Variants in HTR3B observed in about 807,000 individuals in gnomAD.
The protein encoded by HTR3B is 5-hydroxytryptamine receptor 3B.
A neutral mutation model predicts 42.8 loss-of-function variants in HTR3B; 44 were observed. The observed-to-expected ratio is 1.03, with a 90% CI of 0.81 to 1.32. HTR3B has a LOEUF of 1.32. Ranked by LOEUF, HTR3B falls within the 40% of genes most tolerant of loss-of-function variation. The pLI, the probability that HTR3B is intolerant of heterozygous loss-of-function variation, is 0.00. For synonymous variants in HTR3B, 203 were observed against 209.0 expected, an observed-to-expected ratio of 0.97 and a Z score of 0.25; for missense variants, 527 against 536.5, an observed-to-expected ratio of 0.98 and a Z score of 0.17.
chr11:113,909,325 A>T lies in HTR3B; in HGVS notation c.83A>T (p.Gln28Leu), dbSNP rs776920303. The change falls in exon 2 of 9, where the codon CAG (glutamine) becomes CTG (leucine). Residue 28 changes from glutamine (Q) to leucine (L), a missense_variant. Transcript: ENST00000260191. The part of the protein sequence containing the change: ...GILATDTHHP[Q>L]DSALYHLSKQ... The stretch of plus-strand genomic sequence containing the variant: ...CTAGCCACAGATACACATCATCCCC[A>T]GGATTCTGCTCTGTATCATCTCAGC... 7 of 1,612,878 alleles carry T rather than the reference A, an allele frequency of 4.3e-6. No individual in the cohort carries two copies. The East Asian group carries it at 1.6e-4, about 36-fold the overall frequency.
intron 6 of HTR3B, among the ~76,000 whole-genome samples, 170 bp downstream of exon 6, chr11:113,933,263 G>A (rs1236834901): frequency 6.6e-6 from 1 of 152,130 alleles, no homozygotes; most frequent in Non-Finnish European, 1.5e-5. Context: ...TCACAGAGCA[G>A]AGGTTCAGTG....
At chr11:113,928,614 T>G (rs1447381080) in intron 2 of HTR3B, among the ~76,000 whole-genome samples, 2 of 152,184 alleles carry the variant, frequency 1.3e-5, no homozygotes, top group Non-Finnish European at 2.9e-5. Flanking sequence ...CTTGGCTCAC[T>G]GCAACCTCCA....
intron 7 of HTR3B, among the ~76,000 whole-genome samples, chr11:113,944,195 A>T (rs546747730): frequency 1.9e-4 from 29 of 151,466 alleles, no homozygotes; most frequent in South Asian, 4.2e-4. Context: ...AATTTTTTGT[A>T]TTTTAGTATA....
chr11:113,936,885 G>A (rs3782025), intron 6 of HTR3B, among the ~76,000 whole-genome samples: 84,191 of 151,894 alleles, frequency 0.55, 23,542 homozygotes, highest in East Asian at 0.7. Flanking sequence ...CTAACCTTGG[G>A]GCCTATTCCA....
intron 6 of HTR3B, among the ~76,000 whole-genome samples, chr11:113,938,376 T>A (rs1289784960): frequency 6.6e-6 from 1 of 152,040 alleles, no homozygotes; most frequent in Non-Finnish European, 1.5e-5. Flanking sequence ...AAATATAAAC[T>A]CGAAAAGTCC....
At chr11:113,942,147 A>T (rs1165844473) in intron 6 of HTR3B, among the ~76,000 whole-genome samples, 1 of 152,122 alleles carries the variant, frequency 6.6e-6, no homozygotes, top group Non-Finnish European at 1.5e-5. Flanking sequence ...AGGCAGGGGG[A>T]TCACCTGAGG....
chr11:113,923,713 A>G (rs934274303), intron 2 of HTR3B, among the ~76,000 whole-genome samples: 2 of 152,210 alleles, frequency 1.3e-5, no homozygotes, highest in South Asian at 4.1e-4. Flanking sequence ...TAAAGAAAAA[A>G]AACAGGGCGA....
At chr11:113,938,755 C>T (rs1049701555) in intron 6 of HTR3B, among the ~76,000 whole-genome samples, 9 of 152,116 alleles carry the variant, frequency 5.9e-5, no homozygotes, top group African/African-American at 1.4e-4. Flanking sequence ...CTGTGGCTAA[C>T]GACTTTGGGA....
At chr11:113,929,721 A>C (rs987095228) in intron 2 of HTR3B, among the ~76,000 whole-genome samples, 1 of 151,918 alleles carries the variant, frequency 6.6e-6, no homozygotes, top group Admixed American at 6.6e-5. Flanking sequence ...CAAGTCTCTC[A>C]CCCATTTTTA....
intron 2 of HTR3B, among the ~76,000 whole-genome samples, chr11:113,926,788 C>G (rs1311613660): frequency 1.3e-5 from 2 of 152,182 alleles, no homozygotes; most frequent in Non-Finnish European, 2.9e-5. Context: ...CTCAGCCTTC[C>G]AAAGTGCTGG....
intron 2 of HTR3B, among the ~76,000 whole-genome samples, chr11:113,912,209 A>G (rs184214532): frequency 1.5e-3 from 233 of 152,090 alleles, no homozygotes; most frequent in Non-Finnish European, 2.1e-3. Context: ...ATTTTCCTGT[A>G]CGAGTCTTTT....
chr11:113,908,476 A>G (rs1949751165), intron 1 of HTR3B, among the ~76,000 whole-genome samples: 1 of 152,222 alleles, frequency 6.6e-6, no homozygotes, highest in Non-Finnish European at 1.5e-5. Context: ...TGAGTGAAGC[A>G]TTGAATCCCC....
chr11:113,912,702 C>T (rs941299944), intron 2 of HTR3B, among the ~76,000 whole-genome samples: 20 of 152,180 alleles, frequency 1.3e-4, no homozygotes, highest in African/African-American at 4.8e-4. Context: ...TCCCTGCCAA[C>T]ATTTGGTGTT....
intron 6 of HTR3B, among the ~76,000 whole-genome samples, chr11:113,940,780 C>T (rs1197354049): frequency 6.6e-6 from 1 of 152,196 alleles, no homozygotes; most frequent in Non-Finnish European, 1.5e-5. Context: ...GCTCTTCTCC[C>T]GGCACCTCCT....
chr11:113,903,181 C>T (rs1481157492), upstream of HTR3B, among the ~76,000 whole-genome samples: 17 of 152,086 alleles, frequency 1.1e-4, 3 homozygotes, highest in Admixed American at 1.1e-3. Context: ...CACCTTGGCA[C>T]TTTTGAAGAT....
intron 1 of HTR3B, among the ~76,000 whole-genome samples, chr11:113,905,475 C>T (rs1278723441): frequency 6.6e-6 from 1 of 152,138 alleles, no homozygotes; most frequent in Non-Finnish European, 1.5e-5. Context: ...CTTAACATCT[C>T]GCCTTACAAA....
chr11:113,929,894 G>A lies in HTR3B; in HGVS notation c.214-1490G>A, dbSNP rs560912304. Among the ~76,000 whole-genome samples, 13 of 152,016 alleles carry A rather than the reference G, an allele frequency of 8.6e-5. No homozygotes were observed. In the East Asian group the frequency reaches 1.2e-3, roughly 14 times the overall value. On this transcript the variant is annotated intron_variant, in intron 2 of 8. Transcript: ENST00000260191. ...ACTACAGGCGCCCACGACCACGCCC[G>A]GCTAATTTTTGTATTTTTTAGTAGA...
chr11:113,918,662 A>ATTTTT (rs35902629), intron 2 of HTR3B, among the ~76,000 whole-genome samples: 1 of 130,006 alleles, frequency 7.7e-6, no homozygotes. Context: ...CAATCTATGC[A>ATTTTT]TTTTTTTTTT....
At chr11:113,910,016 G>A (rs996313260) in intron 2 of HTR3B, among the ~76,000 whole-genome samples, 1 of 147,824 alleles carries the variant, frequency 6.8e-6, no homozygotes, top group South Asian at 2.2e-4. Context: ...AAAAACTTGT[G>A]GTCATGGATC....
Sources: allele counts gnomAD v4.1 joint callset (sites outside exome capture counted in the v4.1 genomes callset), GRCh38; gene constraint gnomAD v4.1.1; transcripts MANE v1.5; gene names NCBI Gene and HGNC (gene_info 2026-07-23, HGNC 2026-07-21).